Variants in TRPM3 observed in about 807,000 individuals in gnomAD.
TRPM3 encodes the protein long transient receptor potential channel 3.
In TRPM3, 77 loss-of-function variants were observed where a neutral mutation model predicts 181.2. The ratio of observed to expected loss-of-function variants is 0.42; its 90% CI spans 0.35 to 0.51. The LOEUF is 0.51. TRPM3 is among the 20% of genes least tolerant of loss of function. TRPM3 has a pLI of 0.01. For synonymous variants in TRPM3, 745 were observed against 796.4 expected (o/e 0.94, Z 1.09); for missense variants, 1,759 against 2,196.7 (o/e 0.80, Z 3.98).
chr9:70,961,786 T>C (rs61078626), intron 1 of TRPM3, among the ~76,000 whole-genome samples: 4,862 of 152,208 alleles, frequency 0.032, 271 homozygotes, highest in African/African-American at 0.11. Flanking sequence ...AAAGAAAGCA[T>C]TAAATTGGTA....
chr9:70,769,493 G>C (rs1379849932), intron 7 of TRPM3, among the ~76,000 whole-genome samples: 2 of 150,424 alleles, frequency 1.3e-5, no homozygotes, highest in African/African-American at 4.8e-5. Flanking sequence ...GAGTACGGAT[G>C]ATCAAGATTC....
chr9:70,967,385 T>A (rs2097195936), intron 1 of TRPM3, among the ~76,000 whole-genome samples: 1 of 137,278 alleles, frequency 7.3e-6, no homozygotes, highest in Non-Finnish European at 1.6e-5. Flanking sequence ...ACATAAACTC[T>A]AAATATGTTT....
intron 1 of TRPM3, among the ~76,000 whole-genome samples, chr9:71,022,554 C>G (rs1009524637): frequency 6.6e-5 from 10 of 151,860 alleles, no homozygotes; most frequent in Non-Finnish European, 1.3e-4. Flanking sequence ...AAAAAATAGC[C>G]AGGTATGGTG....
intron 1 of TRPM3, among the ~76,000 whole-genome samples, chr9:71,142,530 T>G (rs1413481609): frequency 6.6e-6 from 1 of 152,026 alleles, no homozygotes; most frequent in Non-Finnish European, 1.5e-5. Flanking sequence ...ATATATACAC[T>G]TATACACACA....
At chr9:71,349,914 T>C (rs1051273549) in intron 1 of TRPM3, among the ~76,000 whole-genome samples, 11 of 150,986 alleles carry the variant, frequency 7.3e-5, no homozygotes, top group Non-Finnish European at 1.2e-4. Context: ...AGTGTTCTCA[T>C]TGTAAGTGCA....
intron 1 of TRPM3, among the ~76,000 whole-genome samples, chr9:71,024,501 T>G (rs2097875333): frequency 6.6e-6 from 1 of 152,146 alleles, no homozygotes; most frequent in African/African-American, 2.4e-5. Flanking sequence ...AATACATCAC[T>G]ACCCAAAATA....
intron 8 of TRPM3, chr9:70,761,355 C>T (rs1587986210): frequency 7.8e-6 from 5 of 641,338 alleles, no homozygotes; most frequent in East Asian, 5.5e-5. Context: ...GCAGTCAGAG[C>T]GTTTGGATGA....
Position 71,070,575 on chromosome 9 carries a change from T to C in TRPM3, c.177+50603A>G, listed in dbSNP as rs148826739. Among the ~76,000 whole-genome samples, 1,511 of 152,296 alleles carry C rather than the reference T, an allele frequency of 9.9e-3. 29 individuals are homozygous for C. The highest frequency in any genetic ancestry group is 0.032 in the African/African-American group (1,348 of 41,568). ...AACAAGATATTTTAGAAGAACAACA[T>C]TTGCAAAATTCTGAGTTGCTGAATA... On this transcript the variant is annotated intron_variant, in intron 1 of 25. Transcript: ENST00000677713.
intron 21 of TRPM3, among the ~76,000 whole-genome samples, chr9:70,591,658 C>T (rs12338417): frequency 0.075 from 11,388 of 152,136 alleles, 780 homozygotes; most frequent in African/African-American, 0.19. Context: ...GACTGCAATG[C>T]TGTAAACCTC....
intron 9 of TRPM3, among the ~76,000 whole-genome samples, chr9:70,649,183 G>T (rs2059294981): frequency 6.9e-6 from 1 of 144,162 alleles, no homozygotes; most frequent in Non-Finnish European, 1.5e-5. Flanking sequence ...CAAAAGACAT[G>T]AACAGACACT....
At chr9:70,898,425 AT>A (rs1040958559) in intron 1 of TRPM3, among the ~76,000 whole-genome samples, 3 of 150,530 alleles carry the variant, frequency 2.0e-5, no homozygotes, top group African/African-American at 7.3e-5. Flanking sequence ...CCCGGCCACA[AT>A]AAATTTAAAA....
At chr9:70,968,844 C>G (rs544410010) in intron 1 of TRPM3, among the ~76,000 whole-genome samples, 9 of 152,118 alleles carry the variant, frequency 5.9e-5, no homozygotes, top group Non-Finnish European at 1.0e-4. Context: ...TCCCTTACAC[C>G]TTATACAAAA....
intron 11 of TRPM3, among the ~76,000 whole-genome samples, chr9:70,635,787 T>C (rs1052656262): frequency 5.3e-5 from 8 of 152,070 alleles, no homozygotes. Context: ...AACAAACACG[T>C]TGGCAGATTT....
At chr9:71,258,406 C>T (rs1200290243) in intron 1 of TRPM3, among the ~76,000 whole-genome samples, 1 of 152,104 alleles carries the variant, frequency 6.6e-6, no homozygotes, top group Non-Finnish European at 1.5e-5. Flanking sequence ...GCTAAAGTCC[C>T]CATGAATTCT....
chr9:71,067,917 C>T (rs2062150854), intron 1 of TRPM3, among the ~76,000 whole-genome samples: 1 of 152,138 alleles, frequency 6.6e-6, no homozygotes, highest in Non-Finnish European at 1.5e-5. Flanking sequence ...AATCAGGGTG[C>T]TAGGCAATGT....
intron 1 of TRPM3, among the ~76,000 whole-genome samples, chr9:71,276,951 T>C (rs1490782911): frequency 6.6e-6 from 1 of 152,180 alleles, no homozygotes. Flanking sequence ...TATCATGTAA[T>C]ACTATACTGC....
At chr9:70,814,051 A>C (rs750109079) in intron 6 of TRPM3, among the ~76,000 whole-genome samples, 2 of 152,224 alleles carry the variant, frequency 1.3e-5, no homozygotes, top group Non-Finnish European at 2.9e-5. Context: ...GCTTAATAAA[A>C]AGTACTGTCA....
At chr9:70,696,199 C>A (rs1430052164) in intron 8 of TRPM3, among the ~76,000 whole-genome samples, 1 of 152,200 alleles carries the variant, frequency 6.6e-6, no homozygotes, top group African/African-American at 2.4e-5. Flanking sequence ...AATAATTCCT[C>A]CAATCTCAGT....
chr9:71,229,068 T>C (rs2080879661), intron 1 of TRPM3, among the ~76,000 whole-genome samples: 1 of 152,104 alleles, frequency 6.6e-6, no homozygotes, highest in South Asian at 2.1e-4. Flanking sequence ...CTTCAAATTA[T>C]AATACAGAGC....
Sources: allele counts gnomAD v4.1 joint callset (sites outside exome capture counted in the v4.1 genomes callset), GRCh38; gene constraint gnomAD v4.1.1; transcripts MANE v1.5; gene names NCBI Gene and HGNC (gene_info 2026-07-23, HGNC 2026-07-21).